The following OPHN1 variants were observed in gnomAD, a reference collection of about 807,000 sequenced individuals.
The protein encoded by OPHN1 is oligophrenin 1.
OPHN1 carries 11 observed loss-of-function variants against 60.7 expected under a neutral mutation model. The observed-to-expected ratio is 0.18, with a 90% CI of 0.11 to 0.30. The LOEUF is 0.30. OPHN1 is among the 10% of genes least tolerant of loss of function. OPHN1 has a pLI of 1.00. For missense variants in OPHN1, 449 were observed against 611.0 expected (o/e 0.73, Z 2.80); for synonymous variants, 226 against 222.6 (o/e 1.02, Z -0.14).
At chrX:68,355,476 A>G (rs1380823810) in intron 2 of OPHN1, among the ~76,000 whole-genome samples, 2 of 112,095 alleles carry the variant, frequency 1.8e-5, no homozygotes, top group African/African-American at 6.5e-5. Context: ...TATCCAGGGC[A>G]GGAAGAAAGG....
intron 19 of OPHN1, among the ~76,000 whole-genome samples, chrX:68,085,664 A>G (rs896658537): frequency 8.9e-6 from 1 of 112,085 alleles, no homozygotes; most frequent in Non-Finnish European, 1.9e-5. Flanking sequence ...TCTATTAAGA[A>G]AGGAGGAAGG....
chrX:68,065,344 C>T (rs891796246), intron 20 of OPHN1, among the ~76,000 whole-genome samples: 4 of 110,634 alleles, frequency 3.6e-5, no homozygotes, highest in Non-Finnish European at 7.6e-5. Context: ...GATGATATTG[C>T]GGTTTTGCTT....
At chrX:68,146,091 C>T (rs1040400044) in intron 15 of OPHN1, among the ~76,000 whole-genome samples, 2 of 112,141 alleles carry the variant, frequency 1.8e-5, no homozygotes, top group Admixed American at 9.5e-5. Context: ...TATATGGCAT[C>T]GTATTTTAAA....
At chrX:68,130,533 G>T (rs1475718402) in intron 15 of OPHN1, among the ~76,000 whole-genome samples, 1 of 111,360 alleles carries the variant, frequency 9.0e-6, no homozygotes, top group Non-Finnish European at 1.9e-5. Flanking sequence ...GTATATTTTT[G>T]TATCATAGTA....
At position 68,295,936 on chromosome X, in the gene OPHN1, T is replaced by G. The variant is rs755896099; in HGVS notation, c.250+3065A>C. On this transcript the variant is annotated intron_variant, in intron 3 of 24. Coordinates refer to ENST00000355520, the MANE Select transcript of OPHN1 (RefSeq NM_002547.3). ...ATCACAATTCCATCCAAAGTGTGCT[T>G]TAAGCAATTTTTTTTTCCAGTGAAA... Among the ~76,000 whole-genome samples, 30 of 111,887 alleles carry G rather than the reference T, an allele frequency of 2.7e-4. No homozygotes were observed. The East Asian group carries it at 3.4e-3, about 13-fold the overall frequency.
At chrX:68,347,066 ACTTT>A (rs1376747786) in intron 2 of OPHN1, among the ~76,000 whole-genome samples, 2 of 111,395 alleles carry the variant, frequency 1.8e-5, no homozygotes, top group Non-Finnish European at 3.8e-5. Flanking sequence ...ATATCCCAAG[ACTTT>A]CTTCTTCACC....
At chrX:68,061,327 G>A (rs2076892169) in intron 21 of OPHN1, among the ~76,000 whole-genome samples, 1 of 111,449 alleles carries the variant, frequency 9.0e-6, no homozygotes, top group African/African-American at 3.3e-5. Flanking sequence ...AGAGGGGAAT[G>A]CCACTGGGAT....
intron 6 of OPHN1, among the ~76,000 whole-genome samples, chrX:68,229,364 T>A (rs374725244): frequency 9.0e-6 from 1 of 111,674 alleles, no homozygotes; most frequent in Non-Finnish European, 1.9e-5. Context: ...TTCAATGCCA[T>A]CTCCATCAAG....
Position 68,312,346 on chromosome X carries a change from C to T in OPHN1, c.155-13250G>A, listed in dbSNP as rs765069716. Reference sequence around the variant, plus strand: ...CTTGAGCTCAAGCAATCCCACATGCCTCGGCCTTCCAAAATGCTGGGATTA... The same window carrying T: ...CTTGAGCTCAAGCAATCCCACATGCTTCGGCCTTCCAAAATGCTGGGATTA... On this transcript the variant is annotated intron_variant, in intron 2 of 24. Coordinates refer to ENST00000355520, the MANE Select transcript of OPHN1 (RefSeq NM_002547.3). Among the ~76,000 whole-genome samples, 78 of 104,869 alleles carry T rather than the reference C, an allele frequency of 7.4e-4. 1 individual carries two copies. Among genetic ancestry groups the T allele is most frequent in the Admixed American group, 5.3e-4 (5 of 9,499 alleles). The allele number at this position is 104,869 out of a possible 115,157, so 91.1% of individuals were successfully genotyped here.
rs1048819359 is a variant in OPHN1, at chrX:68,132,880, A to G, written c.1277-13548T>C. 2.1e-4 allele frequency: 65 copies of G among 306,261 alleles called. No homozygotes were observed. In the East Asian group the frequency reaches 4.1e-3, roughly 19 times the overall value. The allele number at this position is 306,261 out of a possible 1,213,427, so 25.2% of individuals were successfully genotyped here. A position where few individuals can be genotyped will look rare whatever the true frequency, so the allele number is the denominator to read the frequency against. The stretch of plus-strand genomic sequence containing the variant: ...CGTCAGCGACCTGGCGAACCAGGCG[A>G]CGCTGAAGCGGCCCATGGACTTCGG... On this transcript the variant is annotated intron_variant, in intron 15 of 24. Coordinates refer to ENST00000355520, the MANE Select transcript of OPHN1 (RefSeq NM_002547.3).
intron 2 of OPHN1, among the ~76,000 whole-genome samples, chrX:68,358,264 T>A (rs2078452720): frequency 9.1e-6 from 1 of 110,444 alleles, no homozygotes; most frequent in Non-Finnish European, 1.9e-5. Context: ...GAGGTTGCAG[T>A]GAGTCGAGAT....
At chrX:68,370,011 AATAT>A (rs761607454) in intron 2 of OPHN1, among the ~76,000 whole-genome samples, 3,618 of 64,284 alleles carry the variant, frequency 0.056, 506 homozygotes, top group African/African-American at 0.27. Context: ...AAATTGCTGA[AATAT>A]ATATATATAT....
rs897747733 is a variant in OPHN1 at position 68,356,197 on chromosome X, A to G, written c.155-57101T>C. On this transcript the variant is annotated intron_variant, in intron 2 of 24. Coordinates refer to ENST00000355520, the MANE Select transcript of OPHN1 (RefSeq NM_002547.3). Reference sequence around the variant, plus strand: ...ATGTTTATATCAGTGGACTTTGAGTAAAACAGATTGCTCTCGTGATGTGGG... The same window carrying G: ...ATGTTTATATCAGTGGACTTTGAGTGAAACAGATTGCTCTCGTGATGTGGG... Among the ~76,000 whole-genome samples the G allele has an allele frequency of 4.5e-5, 5 of 111,364 alleles. No homozygotes were observed. In the Admixed American group the frequency reaches 4.8e-4, roughly 11 times the overall value.
intron 2 of OPHN1, among the ~76,000 whole-genome samples, chrX:68,306,981 C>A (rs1416487016): frequency 9.0e-6 from 1 of 111,454 alleles, no homozygotes; most frequent in Non-Finnish European, 1.9e-5. Context: ...ACTTTGGCCA[C>A]CCAAAGTGAT....
chrX:68,050,675 C>A (rs983751914), intron 23 of OPHN1, among the ~76,000 whole-genome samples: 3 of 111,959 alleles, frequency 2.7e-5, no homozygotes, highest in African/African-American at 9.7e-5. Context: ...TAGTTCTATT[C>A]TTTTTTCAAG....
chrX:68,164,940 G>A (rs1040537909), intron 15 of OPHN1, among the ~76,000 whole-genome samples: 2 of 112,494 alleles, frequency 1.8e-5, no homozygotes, highest in African/African-American at 6.5e-5. Context: ...ATGTTATAGA[G>A]ACAGCTTCTT....
At chrX:68,265,275 C>A (rs1462562658) in intron 5 of OPHN1, among the ~76,000 whole-genome samples, 2 of 112,097 alleles carry the variant, frequency 1.8e-5, no homozygotes, top group Non-Finnish European at 3.8e-5. Context: ...TGGGAGGCAT[C>A]CCCCAGTAGG....
chrX:68,271,441 G>T (rs1462861459), intron 5 of OPHN1, among the ~76,000 whole-genome samples: 2 of 110,230 alleles, frequency 1.8e-5, no homozygotes, highest in African/African-American at 6.6e-5. Context: ...AGAGGCTGAG[G>T]TGAGAGGATC....
intron 16 of OPHN1, among the ~76,000 whole-genome samples, chrX:68,117,319 C>G (rs1382985998): frequency 9.0e-6 from 1 of 111,678 alleles, no homozygotes; most frequent in African/African-American, 3.3e-5. Flanking sequence ...TCAGTTTAAA[C>G]CAAAATGGGT....
Sources: gnomAD v4.1 joint callset for allele counts (sites outside exome capture counted in the v4.1 genomes callset) on GRCh38, gnomAD v4.1.1 for gene constraint, MANE v1.5 for transcripts, NCBI Gene and HGNC (gene_info 2026-07-23, HGNC 2026-07-21) for gene names.